EYA4: variants seen among roughly 807,000 people sequenced by gnomAD.
EYA4 encodes the protein EYA transcriptional coactivator and phosphatase 4, also known as protein phosphatase EYA4.
Under a neutral mutation model 87.9 loss-of-function variants are expected in EYA4, and 31 were observed. That is an observed-to-expected ratio of 0.35 (90% CI 0.27 to 0.48). The LOEUF is 0.48. Ranked by LOEUF, EYA4 falls within the 20% of genes least tolerant of loss-of-function variation. The probability of loss-of-function intolerance (pLI) is 0.99; values close to 1 mark genes in which losing one functional copy is unlikely to be tolerated. For missense variants in EYA4, 678 were observed against 761.4 expected, an observed-to-expected ratio of 0.89 and a Z score of 1.29; for synonymous variants, 263 against 270.6, an observed-to-expected ratio of 0.97 and a Z score of 0.28.
intron 2 of EYA4, among the ~76,000 whole-genome samples, chr6:133,284,956 G>A (rs1369660464): frequency 6.6e-6 from 1 of 151,502 alleles, no homozygotes; most frequent in Non-Finnish European, 1.5e-5. Context: ...TGCGGGCAGG[G>A]TAGGTAGGTG....
At chr6:133,464,648 G>T (rs1050059584) in intron 9 of EYA4, 131 bp from the exon 10 acceptor site, 28 of 687,702 alleles carry the variant, frequency 4.1e-5, no homozygotes, top group Admixed American at 6.3e-5. Flanking sequence ...CTGTATAAAT[G>T]TCTCAACTTC....
chr6:133,414,773 A>G (rs1314784504), intron 3 of EYA4, among the ~76,000 whole-genome samples: 1 of 152,078 alleles, frequency 6.6e-6, no homozygotes, highest in African/African-American at 2.4e-5. Flanking sequence ...TATTTTATTT[A>G]GTTCTTTTTA....
At chr6:133,407,970 C>T (rs1026855793) in intron 3 of EYA4, among the ~76,000 whole-genome samples, 2 of 152,058 alleles carry the variant, frequency 1.3e-5, no homozygotes, top group Admixed American at 6.5e-5. Context: ...GAAAAGGAAA[C>T]CTGACTTACA....
At chr6:133,482,858 T>C (rs1044640023) in intron 12 of EYA4, among the ~76,000 whole-genome samples, 174 bp from the exon 13 acceptor site, 2 of 151,680 alleles carry the variant, frequency 1.3e-5, no homozygotes, top group African/African-American at 4.8e-5. Flanking sequence ...TTCCTGCTCC[T>C]CAGGCTTTAT....
chr6:133,469,830 G>C (rs942391869), intron 11 of EYA4, among the ~76,000 whole-genome samples: 1 of 151,884 alleles, frequency 6.6e-6, no homozygotes, highest in Non-Finnish European at 1.5e-5. Flanking sequence ...TACAAGAAAA[G>C]AACAGATAAA....
intron 3 of EYA4, among the ~76,000 whole-genome samples, chr6:133,420,150 A>G (rs1790090838): frequency 6.6e-6 from 1 of 152,110 alleles, no homozygotes; most frequent in Non-Finnish European, 1.5e-5. Flanking sequence ...AAAATCATCC[A>G]TACCTTATTA....
rs576461073 is a variant in EYA4, at chr6:133,531,401, G to A, written c.*2596G>A. ...CTTTCTAATCTGAAAAACGAAAACT[G>A]AACAAACACAAAACCAACCCCTTGG... On this transcript the variant is annotated 3_prime_UTR_variant, in exon 20 of 20. Transcript: ENST00000355286. 109 of 576,362 alleles carry A rather than the reference G, an allele frequency of 1.9e-4. No homozygotes were observed. The South Asian group carries it at 2.5e-3, about 13-fold the overall frequency. 35.7% of individuals were successfully genotyped at this position (576,362 alleles called of 1,614,324 possible). A position where few individuals can be genotyped will look rare whatever the true frequency, so the allele number is the denominator to read the frequency against.
At position 133,530,213 on chromosome 6, in the gene EYA4, A is replaced by T. The variant is rs1370737305; in HGVS notation, c.*1408A>T. 2.0e-6 allele frequency: 2 copies of T among 985,318 alleles called. No individual in the cohort carries two copies. The highest frequency in any genetic ancestry group is 1.2e-4 in the Admixed American group (2 of 16,270). The allele number at this position is 985,318 out of a possible 1,614,324, so 61.0% of individuals were successfully genotyped here. ...AAAATAATACCTGGTTCTCCATCTG[A>T]ATACATCAATGCAGGTTCTCCTCGT... On this transcript the variant is annotated 3_prime_UTR_variant, in exon 20 of 20. Coordinates refer to ENST00000355286, the MANE Select transcript of EYA4 (RefSeq NM_004100.5).
intron 3 of EYA4, among the ~76,000 whole-genome samples, chr6:133,386,224 G>GT (rs1297855232): frequency 6.6e-6 from 1 of 151,908 alleles, no homozygotes; most frequent in East Asian, 1.9e-4. Flanking sequence ...TTGCATTGAT[G>GT]TTTTTTTCTG....
At chr6:133,255,615 T>A (rs2128236664) in intron 1 of EYA4, among the ~76,000 whole-genome samples, 1 of 152,272 alleles carries the variant, frequency 6.6e-6, no homozygotes, top group East Asian at 1.9e-4. Flanking sequence ...TTTTTTTTTC[T>A]ATATATGTGT....
At position 133,481,565 on chromosome 6, in the gene EYA4, A is replaced by G. The variant is rs1198001216; in HGVS notation, c.1073A>G (p.Asn358Ser). 1.2e-5 allele frequency: 19 copies of G among 1,613,974 alleles called. No homozygotes were observed. The highest frequency in any genetic ancestry group is 1.5e-5 in the Non-Finnish European group (18 of 1,179,986). ...GSKSRGRGRK[N>S]NPSPPPDSDL... ...AAGTCCAGAGGAAGAGGCCGGAAAA[A>G]TAATCCCTCCCCGCCTCCTGATAGT... Residue 358 changes from asparagine to serine, a missense_variant, in exon 12 of 20, where the codon AAT (asparagine) becomes AGT (serine). Coordinates refer to ENST00000355286, the MANE Select transcript of EYA4 (RefSeq NM_004100.5).
Position 133,531,274 on chromosome 6 carries a change from G to C in EYA4, c.*2469G>C, listed in dbSNP as rs1482083096. The C allele has an allele frequency of 9.2e-6, 13 of 1,407,010 alleles. No homozygotes were observed. The East Asian group carries it at 3.2e-4, about 35-fold the overall frequency. 87.2% of individuals were successfully genotyped at this position (1,407,010 alleles called of 1,614,324 possible). On this transcript the variant is annotated 3_prime_UTR_variant, in exon 20 of 20. Coordinates refer to ENST00000355286, the MANE Select transcript of EYA4 (RefSeq NM_004100.5). ...AGAACAGCTTGTCTGGCACAACAAT[G>C]GTGCAGGCCCACGAGCCAGCATCAC...
chr6:133,292,542 C>T (rs376569522), intron 2 of EYA4, among the ~76,000 whole-genome samples: 18 of 152,046 alleles, frequency 1.2e-4, no homozygotes, highest in African/African-American at 4.3e-4. Flanking sequence ...GGATTTTAAA[C>T]GGGAAGTTGC....
intron 14 of EYA4, among the ~76,000 whole-genome samples, chr6:133,506,741 A>G (rs1374590919): frequency 2.0e-5 from 3 of 152,138 alleles, no homozygotes; most frequent in African/African-American, 7.2e-5. Context: ...TCAACCTCAA[A>G]TGGCAAGACA....
chr6:133,372,530 ATGT>A (rs1785348079), intron 2 of EYA4, among the ~76,000 whole-genome samples: 1 of 152,032 alleles, frequency 6.6e-6, no homozygotes, highest in African/African-American at 2.4e-5. Flanking sequence ...TGTTGCTACG[ATGT>A]TGTGGAAAAT....
chr6:133,299,939 C>CTATA (rs201050418), intron 2 of EYA4, among the ~76,000 whole-genome samples: 2,951 of 134,440 alleles, frequency 0.022, 50 homozygotes, highest in South Asian at 0.05. Flanking sequence ...ATCTATCTAT[C>CTATA]TATCTATCTA....
intron 3 of EYA4, among the ~76,000 whole-genome samples, chr6:133,408,308 A>T (rs1304304901): frequency 6.6e-6 from 1 of 152,134 alleles, no homozygotes; most frequent in East Asian, 1.9e-4. Flanking sequence ...TTCCATGCAC[A>T]CTTTTGTTAA....
At chr6:133,279,264 C>T (rs2180730) in intron 2 of EYA4, among the ~76,000 whole-genome samples, 41,614 of 151,988 alleles carry the variant, frequency 0.27, 6,361 homozygotes, top group East Asian at 0.49. Flanking sequence ...TAAGTTACAG[C>T]AGGATTGCTT....
Position 133,532,101 on chromosome 6 carries a change from A to G in EYA4, c.*3296A>G, listed in dbSNP as rs569444729. 1 of 152,302 alleles carries G rather than the reference A, an allele frequency of 6.6e-6. No homozygotes were observed. The highest frequency in any genetic ancestry group is 2.1e-4 in the South Asian group (1 of 4,830). The allele number at this position is 152,302 out of a possible 1,614,324, so 9.4% of individuals were successfully genotyped here. A position where few individuals can be genotyped will look rare whatever the true frequency, so the allele number is the denominator to read the frequency against. On this transcript the variant is annotated 3_prime_UTR_variant, in exon 20 of 20. Transcript: ENST00000355286. ...ACTATTTCTCAATAAATACCTTTGC[A>G]ATTGTTTTCATTTCCTTCACCCTCC...
Sources: gnomAD v4.1 joint callset for allele counts (sites outside exome capture counted in the v4.1 genomes callset) on GRCh38, gnomAD v4.1.1 for gene constraint, MANE v1.5 for transcripts, NCBI Gene and HGNC (gene_info 2026-07-23, HGNC 2026-07-21) for gene names.